Variants in RPA1 observed in about 807,000 individuals in gnomAD.
RPA1 encodes replication protein A 70 kDa DNA-binding subunit.
In RPA1, 49 loss-of-function variants were observed where a neutral mutation model predicts 83.0. The observed-to-expected ratio is 0.59, with a 90% CI of 0.47 to 0.75. RPA1 has a LOEUF of 0.75. RPA1 is among the 30% of genes least tolerant of loss of function. The pLI is 0.00. For missense variants in RPA1, 693 were observed against 776.1 expected (o/e 0.89, Z 1.27); for synonymous variants, 279 against 281.8 (o/e 0.99, Z 0.10).
intron 13 of RPA1, among the ~76,000 whole-genome samples, chr17:1,885,096 C>T (rs1913943775): frequency 6.6e-6 from 1 of 152,220 alleles, no homozygotes; most frequent in Non-Finnish European, 1.5e-5. Flanking sequence ...CTTTTTCAAA[C>T]TGGAGTCTCT....
At chr17:1,831,823 T>A (rs745801153) in intron 1 of RPA1, among the ~76,000 whole-genome samples, 1 of 151,068 alleles carries the variant, frequency 6.6e-6, no homozygotes, top group Non-Finnish European at 1.5e-5. Flanking sequence ...ATGGTCTCGA[T>A]CTCCTGACCT....
intron 16 of RPA1, among the ~76,000 whole-genome samples, chr17:1,895,973 C>T (rs1456995868): frequency 1.3e-5 from 2 of 152,014 alleles, no homozygotes; most frequent in African/African-American, 2.4e-5. Context: ...CATGAGCCAC[C>T]GCGCCCAGCT....
chr17:1,837,912 A>G (rs999169571), intron 1 of RPA1, among the ~76,000 whole-genome samples: 19 of 151,530 alleles, frequency 1.3e-4, no homozygotes, highest in African/African-American at 2.2e-4. Flanking sequence ...GCACTTTTAA[A>G]TTTTCATGAA....
chr17:1,830,154 C>T (rs1911477371), intron 1 of RPA1, 28 bp downstream of exon 1: 1 of 1,176,822 alleles, frequency 8.5e-7, no homozygotes, highest in Non-Finnish European at 1.1e-6. Context: ...GCTGGGCCGG[C>T]GGTCCGGGGT....
At chr17:1,864,447 G>A (rs1011359089) in intron 5 of RPA1, among the ~76,000 whole-genome samples, 2 of 152,146 alleles carry the variant, frequency 1.3e-5, no homozygotes, top group Non-Finnish European at 2.9e-5. Context: ...GCTGAGGCAG[G>A]AGAATCGCTT....
chr17:1,878,430 G>A (rs543752305), intron 8 of RPA1, among the ~76,000 whole-genome samples: 103 of 152,286 alleles, frequency 6.8e-4, no homozygotes, highest in African/African-American at 2.4e-3. Flanking sequence ...TTGCTCTAAT[G>A]TATGGTGGTT....
In RPA1 at chr17:1,884,458, T is replaced by C. The variant is rs1278691865; in HGVS notation, c.1374+514T>C. ...AGGATTGGCCCTGACATTTGACTTT[T>C]AGTTGCAGCTTTTTCCTTTCAGTGT... On this transcript the variant is annotated intron_variant, in intron 13 of 16. Coordinates refer to ENST00000254719, the MANE Select transcript of RPA1 (RefSeq NM_002945.5). This position sits in a 1 kb window ranked among gnomAD's most constrained non-coding sequence, Gnocchi z 4.1. Among the ~76,000 whole-genome samples the C allele has an allele frequency of 2.0e-5, 3 of 152,354 alleles. No homozygotes were observed. Among genetic ancestry groups the C allele is most frequent in the East Asian group, 1.9e-4 (1 of 5,188 alleles).
At position 1,879,407 on chromosome 17, in the gene RPA1, G is replaced by C; in HGVS notation, c.952G>C (p.Asp318His). ...LENKSKDSLV[D>H]IIGICKSYED... The stretch of plus-strand genomic sequence containing the variant: ...GAACAAGTCGAAAGACTCACTTGTA[G>C]GTAAGCTCGTGTATGAGAAGGAAGA... Residue 318 changes from aspartate (D) to histidine (H), a missense_variant and splice_region_variant, in exon 10 of 17, where the codon GAC becomes CAC. Asp to His is a moderately conservative substitution (Grantham distance 81). Transcript: ENST00000254719. The C allele has an allele frequency of 6.2e-7, 1 of 1,613,862 alleles. No individual in the cohort carries two copies. Among genetic ancestry groups the C allele is most frequent in the Non-Finnish European group, 8.5e-7 (1 of 1,179,762 alleles).
At chr17:1,831,679 A>G (rs1004297855) in intron 1 of RPA1, among the ~76,000 whole-genome samples, 1 of 150,698 alleles carries the variant, frequency 6.6e-6, no homozygotes, top group Non-Finnish European at 1.5e-5. Context: ...GCTCACTGCA[A>G]GCTCTGCCTC....
chr17:1,900,020 AAGAG>A lies in RPA1; in HGVS notation c.*2848_*2851del, dbSNP rs1474517418. On this transcript the variant is annotated 3_prime_UTR_variant, in exon 17 of 17. Coordinates refer to ENST00000254719, the MANE Select transcript of RPA1 (RefSeq NM_002945.5). ...CTTTGGAAGTCATCGGTTCCTCAAA[AAGAG>A]AGCATAGATGTTTAATTTTCACTTA... The A allele has an allele frequency of 6.6e-6, 1 of 152,212 alleles. No individual in the cohort carries two copies. The highest frequency in any genetic ancestry group is 1.5e-5 in the Non-Finnish European group (1 of 68,054). 9.4% of individuals were successfully genotyped at this position (152,212 alleles called of 1,614,324 possible).
intron 14 of RPA1, among the ~76,000 whole-genome samples, chr17:1,891,214 C>T (rs1165747420): frequency 6.6e-6 from 1 of 152,206 alleles, no homozygotes; most frequent in African/African-American, 2.4e-5. Flanking sequence ...ACACCACAGC[C>T]CAGTGGGAGA....
intron 1 of RPA1, among the ~76,000 whole-genome samples, chr17:1,835,439 G>C (rs1911779104): frequency 6.6e-6 from 1 of 152,036 alleles, no homozygotes; most frequent in African/African-American, 2.4e-5. Context: ...TTATAGGCAT[G>C]AGCCACTGTG....
chr17:1,879,178 G>A (rs1415632288), intron 9 of RPA1, 37 bp from the exon 10 acceptor site: 1 of 1,609,510 alleles, frequency 6.2e-7, no homozygotes, highest in African/African-American at 1.3e-5. Context: ...CCGATTTGAT[G>A]GTAGTCTCAG....
intron 1 of RPA1, among the ~76,000 whole-genome samples, chr17:1,835,919 G>C (rs1911801103): frequency 6.7e-6 from 1 of 148,508 alleles, no homozygotes; most frequent in Non-Finnish European, 1.5e-5. Context: ...GGCCAAGAAA[G>C]AGTTTGATAC....
chr17:1,846,609 C>G (rs369236349), intron 4 of RPA1, among the ~76,000 whole-genome samples: 1 of 152,110 alleles, frequency 6.6e-6, no homozygotes, highest in Non-Finnish European at 1.5e-5. Context: ...CGTGAGCCAC[C>G]GTGGCCGGCC....
At position 1,877,219 on chromosome 17, in the gene RPA1, A is replaced by G. The variant is rs774104695; in HGVS notation, c.595A>G (p.Ile199Val). Residue 199 changes from isoleucine to valine, a missense_variant, in exon 8 of 17, where the codon ATT becomes GTT. Ile to Val is a conservative substitution (Grantham distance 29, BLOSUM62 3). Coordinates refer to ENST00000254719, the MANE Select transcript of RPA1 (RefSeq NM_002945.5). ...SLTPYQSKWTICARVTNKSQI... is the reference protein window; with the variant it reads ...SLTPYQSKWTVCARVTNKSQI... ...GATCGATTTGGTTTGTAGGTGGACC[A>G]TTTGTGCTCGTGTTACCAACAAAAG... 2.5e-6 allele frequency: 4 copies of G among 1,614,082 alleles called. No homozygotes were observed. Among genetic ancestry groups the G allele is most frequent in the Non-Finnish European group, 2.5e-6 (3 of 1,180,028 alleles).
At chr17:1,868,295 C>G (rs754209994) in intron 5 of RPA1, among the ~76,000 whole-genome samples, 5 of 152,136 alleles carry the variant, frequency 3.3e-5, no homozygotes, top group African/African-American at 1.2e-4. Flanking sequence ...TTCTACCTCA[C>G]GGGGCATTTC....
rs779977589 is a variant in RPA1 at position 1,897,193 on chromosome 17, G to A, written c.*18G>A. ...TGATGTGAGAGGAGCAGTGCCAATC[G>A]GGCAGAAGTTTGCAAATAGGCAGAA... On this transcript the variant is annotated 3_prime_UTR_variant, in exon 17 of 17. Coordinates refer to ENST00000254719, the MANE Select transcript of RPA1 (RefSeq NM_002945.5). The A allele has an allele frequency of 1.6e-5, 24 of 1,530,900 alleles. No homozygotes were observed. The highest frequency in any genetic ancestry group is 4.1e-5 in the Admixed American group (2 of 48,984). 94.8% of individuals were successfully genotyped at this position (1,530,900 alleles called of 1,614,324 possible). A position where few individuals can be genotyped will look rare whatever the true frequency, so the allele number is the denominator to read the frequency against.
chr17:1,831,854 C>G (rs1167187693), intron 1 of RPA1, among the ~76,000 whole-genome samples: 1 of 151,016 alleles, frequency 6.6e-6, no homozygotes, highest in Non-Finnish European at 1.5e-5. Flanking sequence ...CCGCCTCGGC[C>G]TCCCAAAGTG....
Sources: gnomAD v4.1 joint callset for allele counts (sites outside exome capture counted in the v4.1 genomes callset) on GRCh38, gnomAD v4.1.1 for gene constraint, Gnocchi (gnomAD v3.1) non-coding constraint, MANE v1.5 for transcripts, NCBI Gene and HGNC (gene_info 2026-07-23, HGNC 2026-07-21) for gene names.